Variants in PTBP1 observed in about 807,000 individuals in gnomAD.
PTBP1 encodes the protein polypyrimidine tract-binding protein 1.
Under a neutral mutation model 59.8 loss-of-function variants are expected in PTBP1, and 8 were observed. The observed-to-expected ratio is 0.13, with a 90% CI of 0.08 to 0.24. The LOEUF is 0.24. Ranked by LOEUF, PTBP1 falls within the 10% of genes least tolerant of loss-of-function variation. The pLI is 1.00. For missense variants in PTBP1, 686 were observed against 767.0 expected (o/e 0.89, Z 1.25); for synonymous variants, 490 against 320.7 (o/e 1.53, Z -5.64).
chr19:806,171 G>A (rs907999154), intron 9 of PTBP1: 7 of 447,314 alleles, frequency 1.6e-5, no homozygotes, highest in Admixed American at 1.3e-4. Context: ...GGCGCATGCA[G>A]ATGAGCCCAG....
In PTBP1 at chr19:806,216, C is replaced by T. The variant is rs548897800; in HGVS notation, c.971-192C>T. 3.7e-4 allele frequency: 201 copies of T among 537,506 alleles called. 2 individuals are homozygous for T. The South Asian group carries it at 5.1e-3, about 14-fold the overall frequency. 33.3% of individuals were successfully genotyped at this position (537,506 alleles called of 1,614,324 possible). A position where few individuals can be genotyped will look rare whatever the true frequency, so the allele number is the denominator to read the frequency against. The stretch of plus-strand genomic sequence containing the variant: ...GGCCCGTGCTGTGAGGAGAGGCGGG[C>T]GCTGGTGCAGGAGCCGGCGGGTGGC... On this transcript the variant is annotated intron_variant, in intron 9 of 14. Coordinates refer to ENST00000356948, the MANE Select transcript of PTBP1 (RefSeq NM_002819.5).
Position 808,885 on chromosome 19 carries a change from C to T in PTBP1, c.1463+123C>T, listed in dbSNP as rs1011887753. Reference sequence around the variant, plus strand: ...AGTGCAGGTCGGGCACCTCTTACCCCAAACCTGAAGTACTGCAAGGCCTGG... The same window carrying T: ...AGTGCAGGTCGGGCACCTCTTACCCTAAACCTGAAGTACTGCAAGGCCTGG... On this transcript the variant is annotated intron_variant, in intron 13 of 14. Coordinates refer to ENST00000356948, the MANE Select transcript of PTBP1 (RefSeq NM_002819.5). The surrounding 1 kb of genome is among the most constrained non-coding windows in gnomAD (Gnocchi z 4.7). 6.6e-6 allele frequency: 6 copies of T among 911,002 alleles called. No homozygotes were observed. In the East Asian group the frequency reaches 1.6e-4, roughly 24 times the overall value. The allele number at this position is 911,002 out of a possible 1,614,324, so 56.4% of individuals were successfully genotyped here. A position where few individuals can be genotyped will look rare whatever the true frequency, so the allele number is the denominator to read the frequency against.
intron 1 of PTBP1, among the ~76,000 whole-genome samples, chr19:799,130 C>G (rs746155217): frequency 1.3e-5 from 2 of 152,240 alleles, no homozygotes; most frequent in Admixed American, 6.5e-5. Flanking sequence ...GTGTCTTTGT[C>G]TTGGAACGTG....
At position 810,574 on chromosome 19, in the gene PTBP1, C is replaced by T. The variant is rs767419149; in HGVS notation, c.1495C>T (p.Leu499=). 4.3e-6 allele frequency: 7 copies of T among 1,613,732 alleles called. No homozygotes were observed. In the South Asian group the frequency reaches 6.6e-5, roughly 15 times the overall value. The change falls in exon 14 of 15, where the codon CTG becomes TTG. Residue 499 remains leucine, a synonymous_variant. Transcript: ENST00000356948. ...AGTCTCCGAGGAGGATCTCAAGGTC[C>T]TGTTTTCCAGCAATGGGGGCGTCGT... is the stretch of plus-strand genomic sequence containing the variant. ...PSVSEEDLKV[L]FSSNGGVVKG...
rs1404791211 is a variant in PTBP1 at position 811,696 on chromosome 19, A to G, written c.*870A>G. 6.6e-6 allele frequency: 1 copy of G among 152,406 alleles called. No individual in the cohort carries two copies. The highest frequency in any genetic ancestry group is 1.5e-5 in the Non-Finnish European group (1 of 68,040). The allele number at this position is 152,406 out of a possible 1,614,324, so 9.4% of individuals were successfully genotyped here. ...CGGGGCCGCCCAGTGGGTCAGGCAC[A>G]GGGAGCCCCGGTCCTATCTTAGAGC... On this transcript the variant is annotated 3_prime_UTR_variant, in exon 15 of 15. Transcript: ENST00000356948.
chr19:799,722 G>A (rs1382758978), intron 2 of PTBP1, among the ~76,000 whole-genome samples: 2 of 152,218 alleles, frequency 1.3e-5, no homozygotes, highest in African/African-American at 4.8e-5. Flanking sequence ...GTGTGCCCCA[G>A]GCCTGCCTTT....
In PTBP1 at chr19:804,945, T is replaced by G. The variant is rs1397680926; in HGVS notation, c.717+6T>G. 6.2e-7 allele frequency: 1 copy of G among 1,613,018 alleles called. No individual in the cohort carries two copies. The highest frequency in any genetic ancestry group is 8.5e-7 in the Non-Finnish European group (1 of 1,179,494). On this transcript the variant is annotated splice_donor_region_variant and intron_variant, in intron 7 of 14. Coordinates refer to ENST00000356948, the MANE Select transcript of PTBP1 (RefSeq NM_002819.5). The stretch of plus-strand genomic sequence containing the variant: ...GCGCCCAGCACGCCAAGCTGGTGAG[T>G]GGGGCTCCCGGGACGGCGCCCGCCC...
intron 9 of PTBP1, chr19:806,146 C>T (rs117740414): frequency 0.044 from 17,662 of 403,698 alleles, 520 homozygotes; most frequent in Middle Eastern, 0.06. Flanking sequence ...CGGAGCTTTT[C>T]TGTGCTGTGG....
chr19:797,474 C>T lies in PTBP1; in HGVS notation c.-24C>T, dbSNP rs781734843. 46 of 1,596,196 alleles carry T rather than the reference C, an allele frequency of 2.9e-5. No individual in the cohort carries two copies. Among genetic ancestry groups the T allele is most frequent in the Non-Finnish European group, 1.9e-5 (22 of 1,174,678 alleles). On this transcript the variant is annotated 5_prime_UTR_variant, in exon 1 of 15. Transcript: ENST00000356948. ...GCTATTCCGGCGCCTCCACTCCGTC[C>T]CCCGCGGGTCTGCTCTGTGTGCCAT...
intron 1 of PTBP1, 172 bp from the exon 2 acceptor site, chr19:799,241 C>T: frequency 2.7e-6 from 2 of 745,890 alleles, no homozygotes; most frequent in Non-Finnish European, 4.9e-6. Context: ...GTGGACGGCT[C>T]ACTTCCCTGC....
At chr19:810,506 C>T in intron 13 of PTBP1, 37 bp from the exon 14 acceptor site, 1 of 1,588,736 alleles carries the variant, frequency 6.3e-7, no homozygotes, top group Non-Finnish European at 8.6e-7. Context: ...CCCCCACCCC[C>T]ACGCGGCCCC....
At chr19:805,628 GCAGCTCCGCAT>G in intron 9 of PTBP1, 59 bp downstream of exon 9, 1 of 1,420,792 alleles carries the variant, frequency 7.0e-7, no homozygotes, top group Non-Finnish European at 1.0e-6. Flanking sequence ...ACCTTCCCAG[GCAGCTCCGCAT>G]CCACGGCGGC....
intron 13 of PTBP1, among the ~76,000 whole-genome samples, chr19:809,990 G>A (rs1366324241): frequency 2.0e-5 from 3 of 152,130 alleles, no homozygotes; most frequent in Non-Finnish European, 4.4e-5. Flanking sequence ...TATTTAACAC[G>A]TTACTTGTGA....
intron 13 of PTBP1, among the ~76,000 whole-genome samples, chr19:810,186 A>C (rs1319636398): frequency 6.6e-6 from 1 of 152,216 alleles, no homozygotes; most frequent in Non-Finnish European, 1.5e-5. Context: ...GCGTGCCTGT[A>C]ATCCCAGCTA....
intron 8 of PTBP1, 99 bp from the exon 9 acceptor site, chr19:805,393 G>GGGGC: frequency 7.6e-7 from 1 of 1,314,798 alleles, no homozygotes; most frequent in Non-Finnish European, 1.1e-6. Flanking sequence ...AGGCTCTGCC[G>GGGGC]GGGCCGCCCG....
chr19:810,482 G>T, intron 13 of PTBP1, 61 bp from the exon 14 acceptor site: 1 of 1,470,838 alleles, frequency 6.8e-7, no homozygotes, highest in South Asian at 1.2e-5. Context: ...AAGCCTCGCG[G>T]ACCTGACTGG....
At chr19:803,811 A>C (rs1238545981) in intron 3 of PTBP1, among the ~76,000 whole-genome samples, 175 bp downstream of exon 3, 2 of 152,140 alleles carry the variant, frequency 1.3e-5, no homozygotes, top group Admixed American at 1.3e-4. Flanking sequence ...CGCTGGATGG[A>C]TGGTCCAGGC....
chr19:804,859 A>T lies in PTBP1; in HGVS notation c.637A>T (p.Ile213Phe). 1 of 1,613,888 alleles carries T rather than the reference A, an allele frequency of 6.2e-7. No homozygotes were observed. Residue 213 changes from isoleucine to phenylalanine, a missense_variant, in exon 7 of 15, where the codon ATC becomes TTC. Coordinates refer to ENST00000356948, the MANE Select transcript of PTBP1 (RefSeq NM_002819.5). ...IFSKFGTVLK[I>F]ITFTKNNQFQ... ...CTCCAAGTTCGGCACAGTGTTGAAG[A>T]TCATCACCTTCACCAAGAACAACCA...
chr19:809,564 C>T (rs1036490205), intron 13 of PTBP1, among the ~76,000 whole-genome samples: 1 of 151,512 alleles, frequency 6.6e-6, no homozygotes, highest in Non-Finnish European at 1.5e-5. Context: ...TTGTGATCAA[C>T]CCGCCTCGGC....
Sources: gnomAD v4.1 joint callset for allele counts (sites outside exome capture counted in the v4.1 genomes callset) on GRCh38, gnomAD v4.1.1 for gene constraint, Gnocchi (gnomAD v3.1) non-coding constraint, MANE v1.5 for transcripts, NCBI Gene and HGNC (gene_info 2026-07-23, HGNC 2026-07-21) for gene names.